Variants in MMP15 observed in about 807,000 individuals in gnomAD.
The protein encoded by MMP15 is matrix metalloproteinase-15.
In MMP15, 36 loss-of-function variants were observed where a neutral mutation model predicts 65.0. That is an observed-to-expected ratio of 0.55 (90% confidence interval 0.42 to 0.73). The LOEUF (loss-of-function observed/expected upper bound fraction) is 0.73. Ranked by LOEUF, MMP15 falls within the 30% of genes least tolerant of loss-of-function variation. MMP15 has a pLI of 0.00. For missense variants in MMP15, 870 were observed against 987.8 expected, an observed-to-expected ratio of 0.88 and a Z score of 1.60; for synonymous variants, 428 against 410.2, an observed-to-expected ratio of 1.04 and a Z score of -0.52.
chr16:58,036,440 G>GC (rs1392569399), intron 1 of MMP15, among the ~76,000 whole-genome samples: 1 of 152,194 alleles, frequency 6.6e-6, no homozygotes, highest in Non-Finnish European at 1.5e-5. Flanking sequence ...TCCTCCCATG[G>GC]CCCCCAGCTG....
At chr16:58,034,324 C>T (rs1277058822) in intron 1 of MMP15, among the ~76,000 whole-genome samples, 1 of 152,230 alleles carries the variant, frequency 6.6e-6, no homozygotes, top group East Asian at 1.9e-4. Flanking sequence ...CCCACGCTGC[C>T]CACCTGCAGG....
rs200295285 is a variant in MMP15 at position 58,040,125 on chromosome 16, G to A, written c.691G>A (p.Gly231Arg). 2 of 1,613,620 alleles carry A rather than the reference G, an allele frequency of 1.2e-6. No homozygotes were observed. The highest frequency in any genetic ancestry group is 1.7e-6 in the Non-Finnish European group (2 of 1,180,038). ...CTATTTCCCTGGCCCCGGCCTAGGCGGGGACACCCATTTTGACGCAGATGA... is the reference window on the plus strand; with the variant it reads ...CTATTTCCCTGGCCCCGGCCTAGGCAGGGACACCCATTTTGACGCAGATGA... ...HAYFPGPGLG[G>R]DTHFDADEPW... Residue 231 changes from glycine (G) to arginine (R), a missense_variant, in exon 4 of 10, where the codon GGG (glycine) becomes AGG (arginine). Gly to Arg is a moderately radical substitution (Grantham distance 125). Coordinates refer to ENST00000219271, the MANE Select transcript of MMP15 (RefSeq NM_002428.4).
Position 58,026,522 on chromosome 16 carries a change from C to T in MMP15, c.162+10C>T. The T allele has an allele frequency of 7.6e-7, 1 of 1,321,254 alleles. No individual in the cohort carries two copies. The highest frequency in any genetic ancestry group is 2.0e-5 in the South Asian group (1 of 50,770). The allele number at this position is 1,321,254 out of a possible 1,614,324, so 81.8% of individuals were successfully genotyped here. ...GGAGGTCCATGCCGAGGTAAGACCCCCGCCCTGCCCTTTGGCTGCGGGCTG... is the reference window on the plus strand; with the variant it reads ...GGAGGTCCATGCCGAGGTAAGACCCTCGCCCTGCCCTTTGGCTGCGGGCTG... On this transcript the variant is annotated intron_variant, in intron 1 of 9. Transcript: ENST00000219271.
Position 58,037,629 on chromosome 16 carries a change from C to G in MMP15, c.311+9C>G. 1 of 1,614,080 alleles carries G rather than the reference C, an allele frequency of 6.2e-7. No individual in the cohort carries two copies. Among genetic ancestry groups the G allele is most frequent in the Non-Finnish European group, 8.5e-7 (1 of 1,180,006 alleles). ...GACGAAGAGACCAAGGAGTGAGTTC[C>G]CCCCACCATCCACACCCCACAGGCA... On this transcript the variant is annotated intron_variant, in intron 2 of 9. Transcript: ENST00000219271.
intron 6 of MMP15, 49 bp from the exon 7 acceptor site, chr16:58,042,182 G>T (rs189990881): frequency 1.9e-6 from 3 of 1,581,782 alleles, no homozygotes; most frequent in Non-Finnish European, 2.6e-6. Flanking sequence ...CACCTCTCCC[G>T]GCCAAGGCAG....
rs767099495 is a variant in MMP15, at chr16:58,037,459, G to A, written c.163-13G>A. 27 of 1,612,662 alleles carry A rather than the reference G, an allele frequency of 1.7e-5. No homozygotes were observed. The highest frequency in any genetic ancestry group is 4.5e-5 in the East Asian group (2 of 44,878). ...TGCCAGGACCTGCTGACAGAGTTGC[G>A]GCTTCTTTGCAGAACTGGCTGCGGC... On this transcript the variant is annotated splice_polypyrimidine_tract_variant and intron_variant, in intron 1 of 9. Transcript: ENST00000219271.
In MMP15 at chr16:58,027,154, C is replaced by T. The variant is rs564487149; in HGVS notation, c.162+642C>T. ...GCACGCCCGGGCGGGGTCCTAAGGA[C>T]GGACCCTGCCTCCCACAGCGCTTCC... On this transcript the variant is annotated intron_variant, in intron 1 of 9. Transcript: ENST00000219271. Among the ~76,000 whole-genome samples the T allele has an allele frequency of 3.5e-4, 54 of 152,332 alleles. No homozygotes were observed. The South Asian group carries it at 0.01, about 29-fold the overall frequency.
chr16:58,030,388 ACCAGAGGCCATGGAGCTGGGCCTGGATC>A (rs1567428161), intron 1 of MMP15, among the ~76,000 whole-genome samples: 1 of 152,098 alleles, frequency 6.6e-6, no homozygotes, highest in African/African-American at 2.4e-5. Flanking sequence ...GATTCCTGAG[ACCAGAGGCCATGGAGCTGGGCCTGGATC>A]CCAGAGGCAA....
At chr16:58,033,796 A>G (rs1959279821) in intron 1 of MMP15, among the ~76,000 whole-genome samples, 1 of 152,222 alleles carries the variant, frequency 6.6e-6, no homozygotes, top group Non-Finnish European at 1.5e-5. Flanking sequence ...CCAGCTACTC[A>G]GGAGGCTGAG....
intron 3 of MMP15, among the ~76,000 whole-genome samples, chr16:58,038,666 A>G (rs1436426): frequency 0.24 from 35,791 of 152,164 alleles, 4,605 homozygotes; most frequent in East Asian, 0.34. Flanking sequence ...CACAGACTGC[A>G]GCAAGGGATG....
Position 58,043,566 on chromosome 16 carries a change from C to T in MMP15, c.1509C>T (p.Pro503=), listed in dbSNP as rs145645621. Residue 503 remains proline (P), a synonymous_variant, in exon 9 of 10, where the codon CCC becomes CCT. Transcript: ENST00000219271. The stretch of plus-strand genomic sequence containing the variant: ...GTGGAGACCCTGGGTACCCCAAGCC[C>T]ATCAGTGTCTGGCAGGGGATCCCTG... ...TQRGDPGYPK[P]ISVWQGIPAS... 4 of 1,613,934 alleles carry T rather than the reference C, an allele frequency of 2.5e-6. No individual in the cohort carries two copies. The South Asian group carries it at 3.3e-5, about 13-fold the overall frequency.
chr16:58,041,693 C>G lies in MMP15; in HGVS notation c.987C>G (p.His329Gln). The G allele has an allele frequency of 6.3e-7, 1 of 1,576,326 alleles. No individual in the cohort carries two copies. Residue 329 changes from histidine (H) to glutamine (Q), a missense_variant, in exon 6 of 10, where the codon CAC (histidine) becomes CAG (glutamine). Coordinates refer to ENST00000219271, the MANE Select transcript of MMP15 (RefSeq NM_002428.4). Reference sequence around the variant, plus strand: ...CACGGCGGCCAGGCCGGCCTGACCACCGGCCGCCCCGGCCTCCCCAGCCAC... The same window carrying G: ...CACGGCGGCCAGGCCGGCCTGACCAGCGGCCGCCCCGGCCTCCCCAGCCAC... ...VTPRRPGRPD[H>Q]RPPRPPQPPP...
intron 1 of MMP15, among the ~76,000 whole-genome samples, chr16:58,031,258 G>A (rs1277667900): frequency 2.0e-5 from 3 of 152,188 alleles, no homozygotes; most frequent in Non-Finnish European, 4.4e-5. Flanking sequence ...AAGGCTACAG[G>A]TCAGAGCCTA....
intron 1 of MMP15, among the ~76,000 whole-genome samples, chr16:58,029,150 C>T (rs1963863896): frequency 2.0e-5 from 3 of 152,234 alleles, no homozygotes; most frequent in African/African-American, 4.8e-5. Context: ...CCACGAGTAT[C>T]TTCCTAGCCC....
At chr16:58,028,690 C>T (rs1963857607) in intron 1 of MMP15, among the ~76,000 whole-genome samples, 1 of 152,234 alleles carries the variant, frequency 6.6e-6, no homozygotes, top group African/African-American at 2.4e-5. Context: ...CTTCTCGGAG[C>T]AGCTTGGCAG....
At chr16:58,029,243 G>A (rs1395922396) in intron 1 of MMP15, among the ~76,000 whole-genome samples, 1 of 152,222 alleles carries the variant, frequency 6.6e-6, no homozygotes, top group Non-Finnish European at 1.5e-5. Context: ...TGACCTTCAG[G>A]TGAGCCACAG....
At chr16:58,034,549 C>T (rs1235008770) in intron 1 of MMP15, among the ~76,000 whole-genome samples, 2 of 152,192 alleles carry the variant, frequency 1.3e-5, no homozygotes, top group Non-Finnish European at 2.9e-5. Context: ...CCTGAGCACA[C>T]TTTCACCGGT....
intron 1 of MMP15, among the ~76,000 whole-genome samples, chr16:58,031,481 C>T (rs1375879613): frequency 6.6e-6 from 1 of 152,160 alleles, no homozygotes; most frequent in East Asian, 1.9e-4. Flanking sequence ...GGGAGGTTTC[C>T]AGGTGAGGAC....
At chr16:58,042,490 T>G in intron 7 of MMP15, 121 bp downstream of exon 7, 2 of 1,358,542 alleles carry the variant, frequency 1.5e-6, no homozygotes, top group Non-Finnish European at 1.0e-6. Context: ...GCCCCCACTG[T>G]GGGCTCACTC....
Sources: gnomAD v4.1 joint callset for allele counts (sites outside exome capture counted in the v4.1 genomes callset) on GRCh38, gnomAD v4.1.1 for gene constraint, MANE v1.5 for transcripts, NCBI Gene and HGNC (gene_info 2026-07-23, HGNC 2026-07-21) for gene names.